GREB1: variants seen among roughly 807,000 people sequenced by gnomAD.
GREB1 encodes protein GREB1.
In GREB1, 106 loss-of-function variants were observed where a neutral mutation model predicts 200.7. That is an observed-to-expected ratio of 0.53 (90% CI 0.45 to 0.62). GREB1 has a LOEUF of 0.62. Ranked by LOEUF, GREB1 falls within the 20% of genes least tolerant of loss-of-function variation. The probability of loss-of-function intolerance (pLI) is 0.00; values close to 1 mark genes in which losing one functional copy is unlikely to be tolerated. For synonymous variants in GREB1, 1,132 were observed against 1,092.4 expected (o/e 1.04, Z -0.72); for missense variants, 2,243 against 2,556.8 (o/e 0.88, Z 2.65).
At position 11,610,972 on chromosome 2, in the gene GREB1, T is replaced by C. The variant is rs1422339964; in HGVS notation, c.2951T>C (p.Leu984Pro). 7 of 1,608,326 alleles carry C rather than the reference T, an allele frequency of 4.4e-6. No individual in the cohort carries two copies. Among genetic ancestry groups the C allele is most frequent in the Non-Finnish European group, 8.5e-7 (1 of 1,177,696 alleles). ...LALEEHFEII[L>P]GSPSSGVTVG... is the part of the protein sequence containing the mutation. Reference sequence around the variant, plus strand: ...CTGGAGGAGCACTTTGAGATCATCCTGGGCAGTCCCAGCTCAGGCGTCACC... The same window carrying C: ...CTGGAGGAGCACTTTGAGATCATCCCGGGCAGTCCCAGCTCAGGCGTCACC... The change falls in exon 18 of 33, where the codon CTG (leucine) becomes CCG (proline). Residue 984 changes from leucine (L) to proline (P), a missense_variant. By Grantham distance (98) the Leu-to-Pro change is moderately conservative (BLOSUM62 -3). Transcript: ENST00000381486.
At chr2:11,499,320 C>T (rs1672967104) in intron 1 of GREB1, among the ~76,000 whole-genome samples, 1 of 152,240 alleles carries the variant, frequency 6.6e-6, no homozygotes, top group Non-Finnish European at 1.5e-5. Flanking sequence ...GGGGTGGGCA[C>T]ACACAGGCCG....
chr2:11,587,153 T>G (rs1225792046), intron 9 of GREB1, among the ~76,000 whole-genome samples: 1 of 152,142 alleles, frequency 6.6e-6, no homozygotes, highest in Non-Finnish European at 1.5e-5. Flanking sequence ...CCTCTCTGTT[T>G]ACACTGCACC....
In GREB1 at chr2:11,507,083, A is replaced by G. The variant is rs2148440214; in HGVS notation, c.-159+24702A>G. On this transcript the variant is annotated intron_variant, in intron 1 of 2. Coordinates refer to the GREB1 transcript ENST00000628795. The stretch of plus-strand genomic sequence containing the variant: ...TATACCAGTTTTCTTGGTAGATGAT[A>G]TCACAAGCATTGGTATTTTTTCATG... Among the ~76,000 whole-genome samples, 3 of 152,384 alleles carry G rather than the reference A, an allele frequency of 2.0e-5. No individual in the cohort carries two copies. The Middle Eastern group carries it at 0.01, about 518-fold the overall frequency.
intron 1 of GREB1, among the ~76,000 whole-genome samples, chr2:11,553,853 G>A (rs1456343843): frequency 6.6e-6 from 1 of 152,090 alleles, no homozygotes; most frequent in African/African-American, 2.4e-5. Flanking sequence ...GGGCAGGGAG[G>A]GTCTGGATGC....
intron 26 of GREB1, 50 bp downstream of exon 26, chr2:11,630,159 G>A (rs993857451): frequency 1.9e-6 from 3 of 1,580,290 alleles, no homozygotes; most frequent in South Asian, 2.3e-5. Context: ...TTCAACTGGG[G>A]ACTGAGCCGG....
chr2:11,627,026 G>T lies in GREB1; in HGVS notation c.4371G>T (p.Leu1457=), dbSNP rs778519928. 2 of 1,614,104 alleles carry T rather than the reference G, an allele frequency of 1.2e-6. No individual in the cohort carries two copies. The highest frequency in any genetic ancestry group is 2.2e-5 in the East Asian group (1 of 44,886). Residue 1457 remains leucine, a synonymous_variant, in exon 25 of 33, where the codon CTG becomes CTT. Coordinates refer to ENST00000381486, the MANE Select transcript of GREB1 (RefSeq NM_014668.4). ...YVRRQTARMR[L]SKYAAYNTYH... The stretch of plus-strand genomic sequence containing the variant: ...GGCGTCAGACGGCACGGATGAGACT[G>T]TCCAAGTACGCAGCGTACAACACTT...
chr2:11,627,431 G>A (rs1461593823), intron 25 of GREB1, among the ~76,000 whole-genome samples: 1 of 152,216 alleles, frequency 6.6e-6, no homozygotes, highest in African/African-American at 2.4e-5. Context: ...AGGCACTGGG[G>A]CTGCAGAGCT....
rs993113700 is a variant in GREB1 at position 11,495,465 on chromosome 2, C to T, written c.-159+13084C>T. ...TCCACAAAATTTAGAAAAAAATGGC[C>T]TCAAGGAAGTTTTCTTATTTCTTCT... On this transcript the variant is annotated intron_variant, in intron 1 of 2. Coordinates refer to the GREB1 transcript ENST00000628795. Among the ~76,000 whole-genome samples the T allele has an allele frequency of 3.3e-5, 5 of 151,840 alleles. No individual in the cohort carries two copies. The East Asian group carries it at 5.8e-4, about 18-fold the overall frequency.
intron 3 of GREB1, among the ~76,000 whole-genome samples, chr2:11,566,017 G>GGTT (rs1677605702): frequency 7.6e-6 from 1 of 131,106 alleles, no homozygotes; most frequent in African/African-American, 3.7e-5. Flanking sequence ...GGATAACTAT[G>GGTT]ATTATATATA....
At chr2:11,619,142 G>A (rs905516420) in intron 22 of GREB1, among the ~76,000 whole-genome samples, 9 of 152,208 alleles carry the variant, frequency 5.9e-5, no homozygotes, top group South Asian at 4.1e-4. Flanking sequence ...GATGTAGGGG[G>A]CGGACAGGAG....
chr2:11,503,342 C>T (rs1395097142), intron 1 of GREB1, among the ~76,000 whole-genome samples: 1 of 152,130 alleles, frequency 6.6e-6, no homozygotes, highest in Non-Finnish European at 1.5e-5. Context: ...TGTTCATATT[C>T]ACATTATTGA....
chr2:11,621,102 C>A (rs1341663590), intron 23 of GREB1, 95 bp downstream of exon 23: 1 of 794,584 alleles, frequency 1.3e-6, no homozygotes, highest in African/African-American at 1.7e-5. Flanking sequence ...AGATGGAATT[C>A]TCAGATTCAT....
At chr2:11,616,785 AAGAAACCTAT>A in intron 21 of GREB1, 65 bp downstream of exon 21, 1 of 982,094 alleles carries the variant, frequency 1.0e-6, no homozygotes, top group Non-Finnish European at 1.6e-6. Flanking sequence ...AGAGAATGAA[AAGAAACCTAT>A]AGAGGGCTAT....
chr2:11,560,028 G>A (rs1425803467), intron 2 of GREB1, among the ~76,000 whole-genome samples: 1 of 152,200 alleles, frequency 6.6e-6, no homozygotes, highest in Non-Finnish European at 1.5e-5. Flanking sequence ...GCCATTGTGA[G>A]GCCATGTTTC....
chr2:11,544,973 C>T (rs1675127566), intron 1 of GREB1, among the ~76,000 whole-genome samples: 1 of 152,038 alleles, frequency 6.6e-6, no homozygotes, highest in South Asian at 2.1e-4. Flanking sequence ...TGCCACCATG[C>T]CCAGCTAACT....
intron 10 of GREB1, among the ~76,000 whole-genome samples, chr2:11,592,346 TAA>T (rs377354810): frequency 4.2e-5 from 6 of 144,130 alleles, no homozygotes; most frequent in African/African-American, 1.7e-4. Context: ...TTTTTTTTTT[TAA>T]AAAGAGGACA....
At chr2:11,635,455 C>T (rs767813468) in intron 30 of GREB1, 50 bp downstream of exon 30, 20 of 1,560,420 alleles carry the variant, frequency 1.3e-5, no homozygotes, top group Middle Eastern at 3.5e-4. Flanking sequence ...CCTGGGCCGC[C>T]CTGGCACACA....
chr2:11,550,166 G>A lies in GREB1; in HGVS notation c.-161-6288G>A, dbSNP rs527345722. Among the ~76,000 whole-genome samples, 4 of 152,294 alleles carry A rather than the reference G, an allele frequency of 2.6e-5. 1 individual carries two copies. In the South Asian group the frequency reaches 8.3e-4, roughly 32 times the overall value. On this transcript the variant is annotated intron_variant, in intron 1 of 32. Coordinates refer to ENST00000381486, the MANE Select transcript of GREB1 (RefSeq NM_014668.4). ...CTGAGAGGCGAAGGTTGCAGTGAGC[G>A]AGATTGTGCCATTGCACTCCAGTCT... is the stretch of plus-strand genomic sequence containing the variant.
chr2:11,619,419 G>A (rs1683818209), intron 22 of GREB1, among the ~76,000 whole-genome samples: 1 of 152,190 alleles, frequency 6.6e-6, no homozygotes, highest in Admixed American at 6.5e-5. Context: ...GCTGGGGACT[G>A]GAATCTGCTC....
Sources: gnomAD v4.1 joint callset for allele counts (sites outside exome capture counted in the v4.1 genomes callset) on GRCh38, gnomAD v4.1.1 for gene constraint, MANE v1.5 for transcripts, NCBI Gene and HGNC (gene_info 2026-07-23, HGNC 2026-07-21) for gene names.